The following GXYLT2 variants were observed in gnomAD, a reference collection of about 807,000 sequenced individuals.
The protein encoded by GXYLT2 is glycosyltransferase 8 domain containing 4.
GXYLT2 carries 53 observed loss-of-function variants against 45.8 expected under a neutral mutation model. The observed-to-expected ratio is 1.16, with a 90% CI of 0.93 to 1.46. The LOEUF is 1.46. Among genes scored for constraint, GXYLT2 ranks in the 40% most tolerant of loss-of-function variants. The pLI is 0.00. For missense variants in GXYLT2, 551 were observed against 544.4 expected, an observed-to-expected ratio of 1.01 and a Z score of -0.12; for synonymous variants, 219 against 214.2, an observed-to-expected ratio of 1.02 and a Z score of -0.19.
intron 2 of GXYLT2, among the ~76,000 whole-genome samples, chr3:72,912,632 G>C (rs1385796063): frequency 6.6e-6 from 1 of 152,176 alleles, no homozygotes; most frequent in East Asian, 1.9e-4. Context: ...GCTTCTGCCT[G>C]GCTCTTTGTG....
intron 1 of GXYLT2, among the ~76,000 whole-genome samples, chr3:72,888,771 C>G (rs1197808378): frequency 6.6e-6 from 1 of 152,158 alleles, no homozygotes; most frequent in Non-Finnish European, 1.5e-5. Flanking sequence ...ACTGTCAAGG[C>G]AAGGCGTATT....
At chr3:72,898,696 AG>A (rs1215752012) in intron 1 of GXYLT2, among the ~76,000 whole-genome samples, 1 of 152,102 alleles carries the variant, frequency 6.6e-6, no homozygotes, top group East Asian at 1.9e-4. Context: ...AGCCTTGCGT[AG>A]GGGCTTCATC....
rs754690720 is a variant in GXYLT2 at position 72,967,688 on chromosome 3, C to T, written c.1118C>T (p.Thr373Met). ...RGVYHDDKQPTFRALYEAIRD... is the reference protein window; with the variant it reads ...RGVYHDDKQPMFRALYEAIRD... ...GTCTACCATGACGATAAGCAACCAA[C>T]GTTCAGAGCACTCTATGAAGCAATA... The change falls in exon 6 of 7, where the codon ACG (threonine) becomes ATG (methionine). Residue 373 changes from threonine to methionine, a missense_variant. Thr to Met is a moderately conservative substitution (Grantham distance 81). Coordinates refer to ENST00000389617, the MANE Select transcript of GXYLT2 (RefSeq NM_001080393.2). 15 of 1,613,884 alleles carry T rather than the reference C, an allele frequency of 9.3e-6. 1 individual carries two copies. Among genetic ancestry groups the T allele is most frequent in the Admixed American group, 3.3e-5 (2 of 60,006 alleles).
intron 6 of GXYLT2, among the ~76,000 whole-genome samples, chr3:72,971,662 G>C (rs926124223): frequency 2.8e-4 from 42 of 152,250 alleles, no homozygotes; most frequent in Non-Finnish European, 3.1e-4. Context: ...ATTAGAAGTT[G>C]TTTTGGCCAG....
intron 2 of GXYLT2, among the ~76,000 whole-genome samples, chr3:72,913,042 T>TG (rs1709663334): frequency 6.6e-6 from 1 of 150,972 alleles, no homozygotes; most frequent in African/African-American, 2.4e-5. Context: ...TTTGTTTTTT[T>TG]TTTTGTTTTT....
In GXYLT2 at chr3:72,942,116, T is replaced by C. The variant is rs1407275988; in HGVS notation, c.601-12982T>C. ...ATAATTTTTAAAAGGAGGGGGTTCA[T>C]ATTGGAAGAGGTAGGAGCCAACCTG... On this transcript the variant is annotated intron_variant, in intron 3 of 6. Transcript: ENST00000389617. Among the ~76,000 whole-genome samples, 6 of 152,116 alleles carry C rather than the reference T, an allele frequency of 3.9e-5. No individual in the cohort carries two copies. In the East Asian group the frequency reaches 1.2e-3, roughly 29 times the overall value.
chr3:72,888,805 C>G (rs542660909), intron 1 of GXYLT2, among the ~76,000 whole-genome samples: 1 of 152,112 alleles, frequency 6.6e-6, no homozygotes, highest in African/African-American at 2.4e-5. Context: ...AAACATGCAC[C>G]CTTTGTTTAA....
At chr3:72,896,883 C>A (rs940626933) in intron 1 of GXYLT2, among the ~76,000 whole-genome samples, 3 of 151,844 alleles carry the variant, frequency 2.0e-5, no homozygotes, top group African/African-American at 7.3e-5. Context: ...ACTAGCAGTT[C>A]AAATCCGTTT....
intron 4 of GXYLT2, among the ~76,000 whole-genome samples, chr3:72,956,758 C>T (rs1235207400): frequency 6.6e-6 from 1 of 151,856 alleles, no homozygotes; most frequent in Non-Finnish European, 1.5e-5. Context: ...GGCGTGATGG[C>T]GTGCACCCGT....
chr3:72,901,851 G>GCA (rs1709416021), intron 1 of GXYLT2, among the ~76,000 whole-genome samples: 4 of 151,690 alleles, frequency 2.6e-5, no homozygotes. Context: ...GTGAGCCACC[G>GCA]CACCCAGCCT....
chr3:72,921,641 C>G (rs1709834744), intron 2 of GXYLT2, among the ~76,000 whole-genome samples: 1 of 152,110 alleles, frequency 6.6e-6, no homozygotes, highest in African/African-American at 2.4e-5. Flanking sequence ...TGTGGCCAGG[C>G]TGGTCTCAAA....
At chr3:72,968,651 GAT>G (rs1343822518) in intron 6 of GXYLT2, among the ~76,000 whole-genome samples, 9 of 152,206 alleles carry the variant, frequency 5.9e-5, no homozygotes, top group Admixed American at 4.6e-4. Context: ...TTCTTGGCTG[GAT>G]GCAGTGGCTC....
chr3:72,932,967 T>G (rs1357802940), intron 3 of GXYLT2, among the ~76,000 whole-genome samples: 3 of 152,248 alleles, frequency 2.0e-5, no homozygotes, highest in South Asian at 4.1e-4. Flanking sequence ...ATTTCAACTT[T>G]CCTTGCCTCC....
intron 3 of GXYLT2, among the ~76,000 whole-genome samples, chr3:72,936,410 T>C (rs1267237809): frequency 1.3e-5 from 2 of 152,056 alleles, no homozygotes. Flanking sequence ...TCCCAGCACT[T>C]TGGGAGGCCG....
chr3:72,935,154 C>T (rs990181652), intron 3 of GXYLT2, among the ~76,000 whole-genome samples: 2 of 151,730 alleles, frequency 1.3e-5, no homozygotes, highest in African/African-American at 4.8e-5. Flanking sequence ...TATTAGGATC[C>T]TAGAGGAATA....
At position 72,906,794 on chromosome 3, in the gene GXYLT2, A is replaced by G. The variant is rs577227846; in HGVS notation, c.276-1573A>G. Among the ~76,000 whole-genome samples, 17 of 152,362 alleles carry G rather than the reference A, an allele frequency of 1.1e-4. No homozygotes were observed. The South Asian group carries it at 3.1e-3, about 28-fold the overall frequency. On this transcript the variant is annotated intron_variant, in intron 1 of 6. Transcript: ENST00000389617. ...TGGTCACCTGCACTGGAAGTGAAAC[A>G]GAATATGACTATGATTATGAATGGC...
intron 3 of GXYLT2, among the ~76,000 whole-genome samples, chr3:72,930,997 T>G (rs1183256836): frequency 6.6e-6 from 1 of 152,118 alleles, no homozygotes; most frequent in Admixed American, 6.6e-5. Context: ...TTTAGGACAC[T>G]CCACCCAACA....
intron 3 of GXYLT2, among the ~76,000 whole-genome samples, chr3:72,946,830 T>G (rs1263455424): frequency 6.6e-6 from 1 of 152,102 alleles, no homozygotes; most frequent in Non-Finnish European, 1.5e-5. Context: ...TAATTTTGTT[T>G]TTATTTGTTT....
intron 3 of GXYLT2, among the ~76,000 whole-genome samples, chr3:72,937,268 T>C (rs909593093): frequency 2.0e-5 from 3 of 152,250 alleles, no homozygotes; most frequent in Non-Finnish European, 4.4e-5. Context: ...ACAAGTATTC[T>C]TTTTGACATT....
Sources: allele counts gnomAD v4.1 joint callset (sites outside exome capture counted in the v4.1 genomes callset), GRCh38; gene constraint gnomAD v4.1.1; transcripts MANE v1.5; gene names NCBI Gene and HGNC (gene_info 2026-07-23, HGNC 2026-07-21).